PTPRT: variants seen among roughly 807,000 people sequenced by gnomAD.
PTPRT encodes the protein receptor-type tyrosine-protein phosphatase T.
Under a neutral mutation model 176.8 loss-of-function variants are expected in PTPRT, and 56 were observed. That is an observed-to-expected ratio of 0.32 (90% CI 0.26 to 0.40). PTPRT has a LOEUF of 0.40. Ranked by LOEUF, PTPRT falls within the 10% of genes least tolerant of loss-of-function variation. PTPRT has a pLI of 1.00. For missense variants in PTPRT, 1,540 were observed against 1,908.2 expected (o/e 0.81, Z 3.60); for synonymous variants, 783 against 739.0 (o/e 1.06, Z -0.96).
chr20:42,867,613 C>T (rs979476059), intron 2 of PTPRT, among the ~76,000 whole-genome samples: 1 of 151,458 alleles, frequency 6.6e-6, no homozygotes, highest in South Asian at 2.1e-4. Context: ...CCTGCTGGCA[C>T]CTTGATCTTA....
At chr20:42,762,745 C>A (rs2076932413) in intron 5 of PTPRT, among the ~76,000 whole-genome samples, 1 of 152,208 alleles carries the variant, frequency 6.6e-6, no homozygotes. Flanking sequence ...TCCAATTCAT[C>A]CGTACAGGAG....
At chr20:43,021,427 A>C (rs986066926) in intron 1 of PTPRT, among the ~76,000 whole-genome samples, 5 of 152,128 alleles carry the variant, frequency 3.3e-5, no homozygotes, top group Admixed American at 3.3e-4. Context: ...TTTTGCCCAG[A>C]GTCCACACTG....
Position 42,998,412 on chromosome 20 carries a change from C to T in PTPRT, c.89-112480G>A, listed in dbSNP as rs934133129. Among the ~76,000 whole-genome samples the T allele has an allele frequency of 4.6e-5, 7 of 152,092 alleles. No homozygotes were observed. In the South Asian group the frequency reaches 8.3e-4, roughly 18 times the overall value. On this transcript the variant is annotated intron_variant, in intron 1 of 30. Transcript: ENST00000373187. Reference sequence around the variant, plus strand: ...TGATATGCAAATTAAATAAACAAAACGACATAATAAATAATTAAATCAGTC... The same window carrying T: ...TGATATGCAAATTAAATAAACAAAATGACATAATAAATAATTAAATCAGTC...
chr20:42,677,375 G>A (rs756303501), intron 7 of PTPRT, among the ~76,000 whole-genome samples: 4 of 152,098 alleles, frequency 2.6e-5, no homozygotes, highest in Non-Finnish European at 5.9e-5. Context: ...ACGGGGCACA[G>A]TGAGAGCCAG....
chr20:42,562,195 G>A (rs777445812), intron 7 of PTPRT, among the ~76,000 whole-genome samples: 1 of 152,128 alleles, frequency 6.6e-6, no homozygotes, highest in Non-Finnish European at 1.5e-5. Flanking sequence ...TCACATACCT[G>A]TCATCCAACC....
chr20:42,796,570 C>T lies in PTPRT; in HGVS notation c.215-5104G>A, dbSNP rs368494627. ...CAGTTTCTACCGCAGACAACTCTGCCGTTCCTTGCCCGAGCTGTACAGCCA... is the reference window on the plus strand; with the variant it reads ...CAGTTTCTACCGCAGACAACTCTGCTGTTCCTTGCCCGAGCTGTACAGCCA... On this transcript the variant is annotated intron_variant, in intron 2 of 30. Transcript: ENST00000373187. 3.3e-4 allele frequency among the ~76,000 whole-genome samples: 51 copies of T among 152,354 alleles called. 1 individual carries two copies. In the East Asian group the frequency reaches 8.9e-3, roughly 26 times the overall value.
intron 5 of PTPRT, among the ~76,000 whole-genome samples, chr20:42,769,340 G>A (rs62205402): frequency 0.013 from 1,948 of 152,280 alleles, 26 homozygotes; most frequent in Middle Eastern, 0.037. Flanking sequence ...AGTGTGTGGA[G>A]AGACAGCTAG....
chr20:42,561,404 A>G (rs2072949092), intron 7 of PTPRT, among the ~76,000 whole-genome samples: 1 of 152,188 alleles, frequency 6.6e-6, no homozygotes, highest in South Asian at 2.1e-4. Context: ...AGTGTCATTG[A>G]TGCATATTTA....
chr20:43,006,180 G>A (rs1984846333), intron 1 of PTPRT, among the ~76,000 whole-genome samples: 1 of 152,040 alleles, frequency 6.6e-6, no homozygotes, highest in African/African-American at 2.4e-5. Context: ...TTGAGCAAGA[G>A]GATACATTTT....
chr20:42,829,559 C>T (rs1033507516), intron 2 of PTPRT, among the ~76,000 whole-genome samples: 1 of 152,272 alleles, frequency 6.6e-6, no homozygotes, highest in Admixed American at 6.5e-5. Context: ...GAAACCCCAT[C>T]TCTACTAAAA....
intron 1 of PTPRT, among the ~76,000 whole-genome samples, chr20:42,964,915 T>C (rs1331575091): frequency 6.6e-6 from 1 of 152,228 alleles, no homozygotes; most frequent in African/African-American, 2.4e-5. Flanking sequence ...GATGCCAAAC[T>C]GTATTTGATT....
At chr20:42,866,400 C>A (rs2078747384) in intron 2 of PTPRT, among the ~76,000 whole-genome samples, 2 of 152,128 alleles carry the variant, frequency 1.3e-5, no homozygotes, top group South Asian at 2.1e-4. Context: ...TATCTTTGTT[C>A]ATCTCTTTCA....
At chr20:42,362,008 C>T (rs1387437606) in intron 9 of PTPRT, among the ~76,000 whole-genome samples, 2 of 152,190 alleles carry the variant, frequency 1.3e-5, no homozygotes, top group Non-Finnish European at 1.5e-5. Flanking sequence ...ATACATGCTA[C>T]ATTCTTAGCC....
chr20:42,135,365 A>G (rs1408722569), intron 18 of PTPRT, among the ~76,000 whole-genome samples: 2 of 152,260 alleles, frequency 1.3e-5, no homozygotes, highest in Non-Finnish European at 2.9e-5. Flanking sequence ...TTTTTATTCT[A>G]GACCTGGGCC....
At chr20:42,198,749 TG>T (rs2146673798) in intron 16 of PTPRT, among the ~76,000 whole-genome samples, 1 of 152,328 alleles carries the variant, frequency 6.6e-6, no homozygotes, top group African/African-American at 2.4e-5. Flanking sequence ...AATCTAAATA[TG>T]TAACTCATCA....
chr20:42,525,697 T>G (rs2072256056), intron 7 of PTPRT, among the ~76,000 whole-genome samples: 1 of 152,210 alleles, frequency 6.6e-6, no homozygotes, highest in African/African-American at 2.4e-5. Flanking sequence ...CTCTTCAAAT[T>G]TCTCTGATTA....
rs1033005396 is a variant in PTPRT, at chr20:42,992,340, C to G, written c.89-106408G>C. Among the ~76,000 whole-genome samples the G allele has an allele frequency of 3.9e-5, 6 of 152,192 alleles. No individual in the cohort carries two copies. In the East Asian group the frequency reaches 1.2e-3, roughly 29 times the overall value. On this transcript the variant is annotated intron_variant, in intron 1 of 30. Transcript: ENST00000373187. Reference sequence around the variant, plus strand: ...TTGTAGTTCATATATAGTGTCAATGCACATCCATGTTGCCTCACCTATTTA... The same window carrying G: ...TTGTAGTTCATATATAGTGTCAATGGACATCCATGTTGCCTCACCTATTTA...
At chr20:42,175,029 C>G (rs76988968) in intron 16 of PTPRT, among the ~76,000 whole-genome samples, 1 of 152,172 alleles carries the variant, frequency 6.6e-6, no homozygotes, top group Non-Finnish European at 1.5e-5. Context: ...TCTGCTGCCC[C>G]TCTCTTTCCC....
At position 42,810,151 on chromosome 20, in the gene PTPRT, G is replaced by C. The variant is rs760538676; in HGVS notation, c.215-18685C>G. Among the ~76,000 whole-genome samples, 35 of 152,128 alleles carry C rather than the reference G, an allele frequency of 2.3e-4. No individual in the cohort carries two copies. The Middle Eastern group carries it at 0.017, about 74-fold the overall frequency. ...CTACTAAAATACAAAAAAATTAACT[G>C]GGCGTGGCAGCGTGCACCTGTAGTC... On this transcript the variant is annotated intron_variant, in intron 2 of 30. Coordinates refer to ENST00000373187, the MANE Select transcript of PTPRT (RefSeq NM_007050.6).
Sources: gnomAD v4.1 joint callset for allele counts (sites outside exome capture counted in the v4.1 genomes callset) on GRCh38, gnomAD v4.1.1 for gene constraint, MANE v1.5 for transcripts, NCBI Gene and HGNC (gene_info 2026-07-23, HGNC 2026-07-21) for gene names.